Variants in DLG2 observed in about 807,000 individuals in gnomAD.
The protein encoded by DLG2 is discs large MAGUK scaffold protein 2.
In DLG2, 45 loss-of-function variants were observed where a neutral mutation model predicts 132.5. The observed-to-expected ratio is 0.34, with a 90% CI of 0.27 to 0.44. The LOEUF is 0.44. Among genes scored for constraint, DLG2 ranks in the 20% least tolerant of loss-of-function variants. The pLI is 1.00. For missense variants in DLG2, 1,045 were observed against 1,196.9 expected (o/e 0.87, Z 1.87); for synonymous variants, 424 against 419.6 (o/e 1.01, Z -0.13).
At position 84,798,876 on chromosome 11, in the gene DLG2, T is replaced by C. The variant is rs1157680485; in HGVS notation, c.358-264145A>G. On this transcript the variant is annotated intron_variant, in intron 6 of 27. Coordinates refer to ENST00000376104, the MANE Select transcript of DLG2 (RefSeq NM_001142699.3). Reference sequence around the variant, plus strand: ...GTGTCTAGAAATGTTGTCTGGGAGCTCGGGCCTGGTATGGGGGCTAGCTGC... The same window carrying C: ...GTGTCTAGAAATGTTGTCTGGGAGCCCGGGCCTGGTATGGGGGCTAGCTGC... Among the ~76,000 whole-genome samples the C allele has an allele frequency of 3.3e-5, 5 of 152,124 alleles. 1 individual carries two copies. The highest frequency in any genetic ancestry group is 3.3e-4 in the Admixed American group (5 of 15,268).
intron 21 of DLG2, among the ~76,000 whole-genome samples, chr11:83,492,471 C>T (rs1245785773): frequency 6.6e-6 from 1 of 151,996 alleles, no homozygotes; most frequent in African/African-American, 2.4e-5. Flanking sequence ...TTGAAACTTT[C>T]CCAGAGTTCC....
chr11:84,967,241 C>T (rs1271991708), intron 6 of DLG2, among the ~76,000 whole-genome samples: 1 of 151,986 alleles, frequency 6.6e-6, no homozygotes, highest in Non-Finnish European at 1.5e-5. Context: ...CTATCGGGAA[C>T]ACATCTTTAA....
intron 18 of DLG2, among the ~76,000 whole-genome samples, chr11:83,710,669 AACTGGTACAAGG>A (rs1430748290): frequency 6.6e-6 from 1 of 152,226 alleles, no homozygotes; most frequent in Non-Finnish European, 1.5e-5. Context: ...CAAAGCTTGA[AACTGGTACAAGG>A]ACATTCATGT....
At chr11:85,342,806 A>G (rs1366868628) in intron 3 of DLG2, among the ~76,000 whole-genome samples, 1 of 152,218 alleles carries the variant, frequency 6.6e-6, no homozygotes, top group Admixed American at 6.5e-5. Flanking sequence ...CTCCGTTATA[A>G]TATTATGGGA....
intron 6 of DLG2, among the ~76,000 whole-genome samples, chr11:85,029,340 T>C (rs979187358): frequency 6.6e-6 from 1 of 152,190 alleles, no homozygotes; most frequent in African/African-American, 2.4e-5. Context: ...GCCCATTCAC[T>C]GATGTAGGTG....
chr11:83,475,847 A>G (rs2092567440), intron 22 of DLG2, among the ~76,000 whole-genome samples: 1 of 152,090 alleles, frequency 6.6e-6, no homozygotes, highest in Non-Finnish European at 1.5e-5. Context: ...GCACTTCAAA[A>G]TAACAGCTGA....
chr11:85,048,673 A>C (rs1345005487), intron 6 of DLG2, among the ~76,000 whole-genome samples: 1 of 152,038 alleles, frequency 6.6e-6, no homozygotes, highest in Non-Finnish European at 1.5e-5. Flanking sequence ...GTCATCTGTA[A>C]AAATAGAGTC....
At chr11:83,734,212 T>C (rs889256179) in intron 18 of DLG2, among the ~76,000 whole-genome samples, 19 of 152,200 alleles carry the variant, frequency 1.2e-4, no homozygotes, top group Non-Finnish European at 2.2e-4. Flanking sequence ...ACACTATTCA[T>C]AGAGGTCACG....
rs1359378275 is a variant in DLG2 at position 84,881,662 on chromosome 11, G to C, written c.357+229999C>G. 2.0e-5 allele frequency among the ~76,000 whole-genome samples: 3 copies of C among 152,148 alleles called. No homozygotes were observed. The East Asian group carries it at 5.8e-4, about 29-fold the overall frequency. ...CAGTCATTGCAACAAACAAAAACTTGACCAAACATTTCCAAAAAGTGCCTA... is the reference window on the plus strand; with the variant it reads ...CAGTCATTGCAACAAACAAAAACTTCACCAAACATTTCCAAAAAGTGCCTA... On this transcript the variant is annotated intron_variant, in intron 6 of 27. Transcript: ENST00000376104.
intron 7 of DLG2, among the ~76,000 whole-genome samples, chr11:84,522,073 C>G (rs569055944): frequency 6.6e-6 from 1 of 151,842 alleles, no homozygotes; most frequent in Non-Finnish European, 1.5e-5. Flanking sequence ...GAAGCTGAAG[C>G]AGGCGAATCA....
At chr11:84,732,303 C>A (rs1046961670) in intron 6 of DLG2, among the ~76,000 whole-genome samples, 2 of 151,984 alleles carry the variant, frequency 1.3e-5, no homozygotes, top group Non-Finnish European at 2.9e-5. Flanking sequence ...TGCTTGATAA[C>A]CTGATGAATA....
chr11:84,585,497 T>C (rs2099527504), intron 6 of DLG2, among the ~76,000 whole-genome samples: 1 of 152,226 alleles, frequency 6.6e-6, no homozygotes, highest in Non-Finnish European at 1.5e-5. Context: ...CCTTACCCTT[T>C]GCTCTCCTCA....
chr11:84,395,788 C>T (rs980710049), intron 7 of DLG2, among the ~76,000 whole-genome samples: 2 of 152,118 alleles, frequency 1.3e-5, no homozygotes, highest in Non-Finnish European at 2.9e-5. Context: ...TTGTCAATTT[C>T]AAATAAATAA....
At chr11:85,292,624 C>CGAAG (rs1409506457) in intron 3 of DLG2, among the ~76,000 whole-genome samples, 1,793 of 14,480 alleles carry the variant, frequency 0.12, 220 homozygotes, top group East Asian at 0.27. Context: ...AAAGCACAAC[C>CGAAG]GAAGGAAGGA....
chr11:84,977,972 T>C (rs1592128403), intron 6 of DLG2, among the ~76,000 whole-genome samples: 2 of 152,172 alleles, frequency 1.3e-5, no homozygotes, highest in Admixed American at 6.6e-5. Flanking sequence ...AAACCTTGAG[T>C]CTGGCCTTGA....
At chr11:84,050,833 T>TGC (rs1417737697) in intron 11 of DLG2, among the ~76,000 whole-genome samples, 32 of 152,064 alleles carry the variant, frequency 2.1e-4, no homozygotes, top group Non-Finnish European at 3.7e-4. Flanking sequence ...GTTGTAGATA[T>TGC]GTGGCATTAT....
rs117337025 is a variant in DLG2 at position 84,474,653 on chromosome 11, T to C, written c.519+59917A>G. On this transcript the variant is annotated intron_variant, in intron 7 of 27. Transcript: ENST00000376104. ...ATTAACACAGCCAATTGGTAGCAGA[T>C]TCTGAATACAAATATGGGTTTTCTC... is the stretch of plus-strand genomic sequence containing the variant. 1.4e-4 allele frequency among the ~76,000 whole-genome samples: 21 copies of C among 152,192 alleles called. No individual in the cohort carries two copies. The East Asian group carries it at 4.1e-3, about 30-fold the overall frequency.
intron 17 of DLG2, among the ~76,000 whole-genome samples, chr11:83,829,745 T>G (rs1232268639): frequency 6.6e-6 from 1 of 151,808 alleles, no homozygotes; most frequent in Non-Finnish European, 1.5e-5. Context: ...ATTTATTTAT[T>G]TATTTATTTT....
At chr11:85,589,790 G>A (rs1304629259) in intron 3 of DLG2, among the ~76,000 whole-genome samples, 1 of 151,902 alleles carries the variant, frequency 6.6e-6, no homozygotes, top group Non-Finnish European at 1.5e-5. Context: ...AGCAAGCAGG[G>A]CTTTCAGGTT....
Sources: allele counts gnomAD v4.1 joint callset (sites outside exome capture counted in the v4.1 genomes callset), GRCh38; gene constraint gnomAD v4.1.1; transcripts MANE v1.5; gene names NCBI Gene and HGNC (gene_info 2026-07-23, HGNC 2026-07-21).